Variants in PCSK6 observed in about 807,000 individuals in gnomAD.
The protein encoded by PCSK6 is proprotein convertase subtilisin/kexin type 6, also known as paired basic amino acid cleaving enzyme 4.
In PCSK6, 85 loss-of-function variants were observed where a neutral mutation model predicts 123.3. The observed-to-expected ratio is 0.69, with a 90% confidence interval of 0.58 to 0.83. PCSK6 has a LOEUF of 0.83. Ranked by LOEUF, PCSK6 falls within the 40% of genes least tolerant of loss-of-function variation. The pLI is 0.00. For synonymous variants in PCSK6, 508 were observed against 516.0 expected (o/e 0.98, Z 0.21); for missense variants, 1,191 against 1,282.3 (o/e 0.93, Z 1.09).
At chr15:101,326,680 C>T (rs2040262386) in intron 15 of PCSK6, among the ~76,000 whole-genome samples, 1 of 152,230 alleles carries the variant, frequency 6.6e-6, no homozygotes, top group Non-Finnish European at 1.5e-5. Context: ...CGCTGGGCTC[C>T]AGTGTCAGTC....
intron 11 of PCSK6, among the ~76,000 whole-genome samples, chr15:101,373,350 G>T (rs933561776): frequency 1.3e-5 from 2 of 152,196 alleles, no homozygotes; most frequent in Non-Finnish European, 2.9e-5. Context: ...AAGGCTAACT[G>T]TAACAATTAG....
rs1392118460 is a variant in PCSK6 at position 101,463,141 on chromosome 15, G to C, written c.298-19481C>G. ...AGCCGTTGAGCATCAATGACTCTTT[G>C]ACTCAGGAATCTTAAAAATCACACA... On this transcript the variant is annotated intron_variant, in intron 1 of 21. Transcript: ENST00000611716. The C allele has an allele frequency of 1.1e-5, 5 of 457,136 alleles. No individual in the cohort carries two copies. In the East Asian group the frequency reaches 3.4e-4, roughly 31 times the overall value. The allele number at this position is 457,136 out of a possible 1,614,324, so 28.3% of individuals were successfully genotyped here. A position where few individuals can be genotyped will look rare whatever the true frequency, so the allele number is the denominator to read the frequency against.
chr15:101,388,052 G>A (rs3825906), intron 9 of PCSK6, among the ~76,000 whole-genome samples: 31,306 of 152,182 alleles, frequency 0.21, 4,075 homozygotes, highest in African/African-American at 0.37. Flanking sequence ...GGGACAATGC[G>A]CCCCGGAGCA....
intron 15 of PCSK6, among the ~76,000 whole-genome samples, chr15:101,329,829 C>A (rs1335746363): frequency 2.0e-5 from 3 of 152,220 alleles, no homozygotes; most frequent in Admixed American, 6.5e-5. Context: ...CCTGGCCTCC[C>A]AGCCACTCTC....
intron 18 of PCSK6, among the ~76,000 whole-genome samples, chr15:101,321,178 G>A (rs12910197): frequency 0.15 from 22,651 of 152,190 alleles, 1,752 homozygotes; most frequent in African/African-American, 0.17. Context: ...CTCCCAGGCC[G>A]CCAGCGGAAT....
rs369082180 is a variant in PCSK6 at position 101,409,478 on chromosome 15, G to A, written c.824-10902C>T. ...CGGGCGCCTGTAGTCCCAGCTACTC[G>A]GGAGGCTGAGGCAGGAGAATGGCGT... On this transcript the variant is annotated intron_variant, in intron 6 of 21. Coordinates refer to ENST00000611716, the MANE Select transcript of PCSK6 (RefSeq NM_002570.5). 4.0e-3 allele frequency among the ~76,000 whole-genome samples: 612 copies of A among 151,546 alleles called. 4 individuals carry two copies. The East Asian group carries it at 0.052, about 13-fold the overall frequency.
intron 13 of PCSK6, among the ~76,000 whole-genome samples, chr15:101,345,186 C>T (rs1324490725): frequency 6.6e-6 from 1 of 152,168 alleles, no homozygotes; most frequent in Non-Finnish European, 1.5e-5. Flanking sequence ...ATTCTGTTCA[C>T]CTCTTTGGCT....
chr15:101,308,761 A>C (rs2039782126), intron 20 of PCSK6: 1 of 152,264 alleles, frequency 6.6e-6, no homozygotes, highest in South Asian at 2.1e-4. Flanking sequence ...GCCCTTGCAC[A>C]TTCTGGTGGC....
chr15:101,489,190 G>GC (rs1292931454), intron 1 of PCSK6, among the ~76,000 whole-genome samples, 184 bp downstream of exon 1: 3 of 48,838 alleles, frequency 6.1e-5, no homozygotes, highest in East Asian at 8.1e-4. Flanking sequence ...TCCCGCGCGC[G>GC]CCCCCCCGGG....
At chr15:101,324,260 C>T (rs2040197052) in intron 17 of PCSK6, among the ~76,000 whole-genome samples, 1 of 152,240 alleles carries the variant, frequency 6.6e-6, no homozygotes, top group African/African-American at 2.4e-5. Flanking sequence ...CCGAGCCCAA[C>T]TGACGTTGGT....
chr15:101,398,639 C>T lies in PCSK6; in HGVS notation c.824-63G>A, dbSNP rs1057369223. On this transcript the variant is annotated intron_variant, in intron 6 of 21. Coordinates refer to ENST00000611716, the MANE Select transcript of PCSK6 (RefSeq NM_002570.5). This position sits in a 1 kb window ranked among gnomAD's most constrained non-coding sequence, Gnocchi z 4.6. ...CTCCGGGCACACAGCGACGGGAACC[C>T]GGGCCCAGGAGGCTCGGATGAGGAC... 25 of 1,554,232 alleles carry T rather than the reference C, an allele frequency of 1.6e-5. No homozygotes were observed. The highest frequency in any genetic ancestry group is 1.0e-4 in the South Asian group (9 of 86,006).
At chr15:101,327,944 C>T (rs1044250926) in intron 15 of PCSK6, among the ~76,000 whole-genome samples, 1 of 152,158 alleles carries the variant, frequency 6.6e-6, no homozygotes. Flanking sequence ...ATGCCACTCA[C>T]CATTTCTAAA....
Position 101,397,987 on chromosome 15 carries a change from C to T in PCSK6, c.996+417G>A, listed in dbSNP as rs563682073. On this transcript the variant is annotated intron_variant, in intron 7 of 21. Transcript: ENST00000611716. The stretch of plus-strand genomic sequence containing the variant: ...GGGGCCTGGGTGAGCACATACCCCG[C>T]GATGAATGCACAGAGTTCCACAGCT... Among the ~76,000 whole-genome samples the T allele has an allele frequency of 9.2e-5, 14 of 152,314 alleles. No homozygotes were observed. In the Middle Eastern group the frequency reaches 0.01, roughly 111 times the overall value.
intron 15 of PCSK6, among the ~76,000 whole-genome samples, chr15:101,328,610 A>AC (rs1046358233): frequency 6.6e-6 from 1 of 151,464 alleles, no homozygotes; most frequent in African/African-American, 2.4e-5. Context: ...TGGACTTCAC[A>AC]CCCCCCACCC....
chr15:101,311,681 C>G (rs1297959858), intron 20 of PCSK6, among the ~76,000 whole-genome samples: 1 of 103,792 alleles, frequency 9.6e-6, no homozygotes, highest in Non-Finnish European at 2.0e-5. Flanking sequence ...CCCACCCCAT[C>G]GTCACCCCTC....
chr15:101,329,659 C>G (rs571845931), intron 15 of PCSK6, among the ~76,000 whole-genome samples: 1 of 152,198 alleles, frequency 6.6e-6, no homozygotes, highest in South Asian at 2.1e-4. Context: ...CCTGGAACTC[C>G]GTCTTCCAGA....
intron 1 of PCSK6, among the ~76,000 whole-genome samples, chr15:101,485,514 G>A (rs1191518559): frequency 1.3e-5 from 2 of 151,972 alleles, no homozygotes; most frequent in Non-Finnish European, 2.9e-5. Context: ...GTATTCCACT[G>A]CAGCTCTTTC....
At chr15:101,459,985 G>A (rs1366379713) in intron 1 of PCSK6, among the ~76,000 whole-genome samples, 1 of 152,180 alleles carries the variant, frequency 6.6e-6, no homozygotes, top group Non-Finnish European at 1.5e-5. Flanking sequence ...TCGAGGGAGA[G>A]AGATGTGCGT....
At chr15:101,453,967 A>G (rs1363756952) in intron 1 of PCSK6, among the ~76,000 whole-genome samples, 2 of 152,202 alleles carry the variant, frequency 1.3e-5, no homozygotes, top group African/African-American at 2.4e-5. Context: ...GGATCAGAGA[A>G]CAAACTACAC....
Sources: allele counts gnomAD v4.1 joint callset (sites outside exome capture counted in the v4.1 genomes callset), GRCh38; gene constraint gnomAD v4.1.1; non-coding constraint Gnocchi (gnomAD v3.1); transcripts MANE v1.5; gene names NCBI Gene and HGNC (gene_info 2026-07-23, HGNC 2026-07-21).